The following BAZ2B variants were observed in gnomAD, a reference collection of about 807,000 sequenced individuals.
BAZ2B encodes the protein bromodomain adjacent to zinc finger domain protein 2B.
Under a neutral mutation model 246.0 loss-of-function variants are expected in BAZ2B, and 91 were observed. The ratio of observed to expected loss-of-function variants is 0.37; its 90% confidence interval spans 0.31 to 0.44. The LOEUF is 0.44. Ranked by LOEUF, BAZ2B falls within the 20% of genes least tolerant of loss-of-function variation. The probability of loss-of-function intolerance (pLI) is 1.00; values close to 1 mark genes in which losing one functional copy is unlikely to be tolerated. For synonymous variants in BAZ2B, 855 were observed against 860.0 expected, an observed-to-expected ratio of 0.99 and a Z score of 0.10; for missense variants, 2,332 against 2,533.7, an observed-to-expected ratio of 0.92 and a Z score of 1.71.
At chr2:159,593,524 G>C (rs558028887) in intron 1 of BAZ2B, among the ~76,000 whole-genome samples, 31 of 152,224 alleles carry the variant, frequency 2.0e-4, no homozygotes, top group African/African-American at 6.7e-4. Context: ...TCACTGTGAG[G>C]CTTCAGTTAC....
chr2:159,692,583 G>A, the BAZ2B span, among the ~76,000 whole-genome samples: 1 of 152,094 alleles, frequency 6.6e-6, no homozygotes, highest in Admixed American at 6.5e-5. Context: ...GGGCATGGTG[G>A]CACACGCCTG....
At chr2:159,685,250 C>T in the BAZ2B span, among the ~76,000 whole-genome samples, 1 of 152,130 alleles carries the variant, frequency 6.6e-6, no homozygotes, top group Non-Finnish European at 1.5e-5. Flanking sequence ...ATTTTATTAA[C>T]AACTTCCAGA....
At chr2:159,364,856 G>C (rs879851553) in intron 27 of BAZ2B, among the ~76,000 whole-genome samples, 1 of 152,156 alleles carries the variant, frequency 6.6e-6, no homozygotes, top group Non-Finnish European at 1.5e-5. Flanking sequence ...TCTTATACAA[G>C]AACAGACTCA....
chr2:159,412,738 T>G (rs1028309771), intron 13 of BAZ2B, among the ~76,000 whole-genome samples, 193 bp from the exon 14 acceptor site: 3 of 152,220 alleles, frequency 2.0e-5, no homozygotes, highest in African/African-American at 7.2e-5. Context: ...GCTTTAATAT[T>G]CTTACTTTAA....
intron 1 of BAZ2B, among the ~76,000 whole-genome samples, chr2:159,578,575 C>A (rs1685925856): frequency 1.3e-5 from 2 of 152,136 alleles, no homozygotes; most frequent in African/African-American, 4.8e-5. Context: ...CCAAGCAGAC[C>A]TAATAGACAT....
intron 1 of BAZ2B, 137 bp downstream of exon 1, chr2:159,616,105 G>C (rs894048944): frequency 6.6e-6 from 1 of 152,268 alleles, no homozygotes; most frequent in Non-Finnish European, 1.5e-5. Flanking sequence ...GCGGCGGGGC[G>C]AGCGCCTCCA....
chr2:159,389,726 A>C (rs557308095), intron 20 of BAZ2B, among the ~76,000 whole-genome samples: 1 of 152,206 alleles, frequency 6.6e-6, no homozygotes, highest in Non-Finnish European at 1.5e-5. Flanking sequence ...TATTAATACA[A>C]GCAGGTACAT....
At chr2:159,490,365 G>A (rs1035756409) in intron 2 of BAZ2B, among the ~76,000 whole-genome samples, 9 of 151,712 alleles carry the variant, frequency 5.9e-5, no homozygotes, top group South Asian at 2.1e-4. Context: ...TAGAATCTAC[G>A]CGACCTCCTA....
chr2:159,586,392 C>A (rs188059058), intron 1 of BAZ2B, among the ~76,000 whole-genome samples: 1 of 151,724 alleles, frequency 6.6e-6, no homozygotes, highest in African/African-American at 2.4e-5. Flanking sequence ...ATAAATAAAT[C>A]ATCTACACAG....
At chr2:159,599,434 C>T (rs1691547582) in intron 1 of BAZ2B, among the ~76,000 whole-genome samples, 2 of 151,698 alleles carry the variant, frequency 1.3e-5, no homozygotes, top group Non-Finnish European at 2.9e-5. Context: ...GCCTGACCAA[C>T]ATGGAGAAAC....
chr2:159,353,657 TA>T (rs2058787222), intron 27 of BAZ2B, among the ~76,000 whole-genome samples: 1 of 152,124 alleles, frequency 6.6e-6, no homozygotes, highest in Non-Finnish European at 1.5e-5. Context: ...AAAAGTACCT[TA>T]AAGGATTAGA....
chr2:159,613,587 C>G (rs1355264932), intron 1 of BAZ2B, among the ~76,000 whole-genome samples: 1 of 151,900 alleles, frequency 6.6e-6, no homozygotes, highest in Non-Finnish European at 1.5e-5. Flanking sequence ...TTAATGTTGT[C>G]CAAATTACTG....
At chr2:159,657,403 A>G in the BAZ2B span, among the ~76,000 whole-genome samples, 69,463 of 151,952 alleles carry the variant, frequency 0.46, 16,738 homozygotes, top group Middle Eastern at 0.64. Flanking sequence ...GGGGAGTGTC[A>G]TCCTCTAACC....
intron 1 of BAZ2B, among the ~76,000 whole-genome samples, chr2:159,556,146 G>A (rs1490186482): frequency 6.6e-6 from 1 of 152,110 alleles, no homozygotes; most frequent in Admixed American, 6.6e-5. Context: ...CAAGCTGTAG[G>A]ACATTTGGGT....
intron 2 of BAZ2B, among the ~76,000 whole-genome samples, chr2:159,546,260 T>C (rs529580489): frequency 2.6e-5 from 4 of 152,052 alleles, no homozygotes; most frequent in East Asian, 1.9e-4. Context: ...CTTCGTGCGA[T>C]GTTCTTGTGA....
the BAZ2B span, among the ~76,000 whole-genome samples, chr2:159,622,119 A>G: frequency 3.3e-5 from 5 of 151,666 alleles, no homozygotes; most frequent in East Asian, 7.8e-4. Context: ...AAAAAAAAAA[A>G]CTAGCTAGGC....
intron 27 of BAZ2B, among the ~76,000 whole-genome samples, chr2:159,369,986 A>C: frequency 6.6e-6 from 1 of 152,232 alleles, no homozygotes. Context: ...AATACTATGC[A>C]GCCATAGAAA....
Position 159,571,918 on chromosome 2 carries a change from T to C in BAZ2B, c.-45-16053A>G, listed in dbSNP as rs1359988390. On this transcript the variant is annotated intron_variant, in intron 1 of 36. Transcript: ENST00000392783. ...TAATCCCTTCATAAGGGTGGAGCCC[T>C]TGTGGCCTAATCACATCTTCAAGGC... Among the ~76,000 whole-genome samples, 3 of 152,198 alleles carry C rather than the reference T, an allele frequency of 2.0e-5. No individual in the cohort carries two copies. The South Asian group carries it at 6.2e-4, about 31-fold the overall frequency.
chr2:159,596,565 T>C (rs1460211340), intron 1 of BAZ2B, among the ~76,000 whole-genome samples: 1 of 152,202 alleles, frequency 6.6e-6, no homozygotes, highest in Non-Finnish European at 1.5e-5. Context: ...CATAGGGCAT[T>C]GGGGAACAGG....
Sources: allele counts gnomAD v4.1 joint callset (sites outside exome capture counted in the v4.1 genomes callset), GRCh38; gene constraint gnomAD v4.1.1; transcripts MANE v1.5; gene names NCBI Gene and HGNC (gene_info 2026-07-23, HGNC 2026-07-21).